The following SMIM45 variants were observed in gnomAD, a reference collection of about 807,000 sequenced individuals.
The protein encoded by SMIM45 is small integral membrane protein 45.
the SMIM45 span, among the ~76,000 whole-genome samples, chr22:41,953,740 GTTTTTT>G: frequency 2.2e-5 from 2 of 89,300 alleles, no homozygotes; most frequent in Non-Finnish European, 2.5e-5. Flanking sequence ...TCTGTGATCT[GTTTTTT>G]TTTTTTTTTT....
At chr22:41,956,462 TACA>T in the SMIM45 span, among the ~76,000 whole-genome samples, 7 of 152,230 alleles carry the variant, frequency 4.6e-5, no homozygotes, top group African/African-American at 1.7e-4. Flanking sequence ...GTTTGTTCAC[TACA>T]CTTTCACCAG....
chr22:41,947,175 C>T, the SMIM45 span: 2 of 1,179,978 alleles, frequency 1.7e-6, no homozygotes, highest in Non-Finnish European at 2.5e-6. Context: ...CACGTGCCTC[C>T]TTATAGGCGG....
the SMIM45 span, among the ~76,000 whole-genome samples, chr22:41,956,325 T>C: frequency 6.6e-6 from 1 of 152,222 alleles, no homozygotes; most frequent in Non-Finnish European, 1.5e-5. Context: ...TCCCATTTTA[T>C]AGATGTAGAA....
chr22:41,947,154 C>G, the SMIM45 span: 1 of 1,438,992 alleles, frequency 6.9e-7, no homozygotes, highest in Non-Finnish European at 9.7e-7. Flanking sequence ...CCCTAGAGCG[C>G]GGCCTGGGGG....
At chr22:41,948,931 G>A in the SMIM45 span, among the ~76,000 whole-genome samples, 22 of 152,272 alleles carry the variant, frequency 1.4e-4, no homozygotes, top group East Asian at 3.5e-3. Flanking sequence ...TGGGCGTGGT[G>A]GTGCATGCCT....
the SMIM45 span, chr22:41,947,020 C>A: frequency 1.9e-6 from 3 of 1,612,834 alleles, no homozygotes; most frequent in South Asian, 1.1e-5. Flanking sequence ...CTGCACCTAC[C>A]AAGATGGTGG....
the SMIM45 span, among the ~76,000 whole-genome samples, chr22:41,950,062 C>T: frequency 6.6e-6 from 1 of 151,724 alleles, no homozygotes; most frequent in Non-Finnish European, 1.5e-5. Context: ...TGGGTGGGGT[C>T]CAGAACCCCC....
chr22:41,953,639 C>T, the SMIM45 span, among the ~76,000 whole-genome samples: 1 of 152,074 alleles, frequency 6.6e-6, no homozygotes, highest in Non-Finnish European at 1.5e-5. Flanking sequence ...AGGTGGGCTC[C>T]TCACGTCACC....
the SMIM45 span, among the ~76,000 whole-genome samples, chr22:41,956,134 C>T: frequency 2.0e-5 from 3 of 151,928 alleles, no homozygotes; most frequent in Non-Finnish European, 4.4e-5. Flanking sequence ...CTCAGCCTCC[C>T]GGGTAACTGG....
the SMIM45 span, among the ~76,000 whole-genome samples, chr22:41,950,647 A>G: frequency 4.6e-5 from 7 of 151,594 alleles, no homozygotes; most frequent in African/African-American, 1.7e-4. Context: ...GCAGTGAGCC[A>G]TGATCACACC....
the SMIM45 span, among the ~76,000 whole-genome samples, chr22:41,954,349 G>A: frequency 6.6e-6 from 1 of 151,794 alleles, no homozygotes; most frequent in African/African-American, 2.4e-5. Context: ...TGGGATTACA[G>A]GTGCCTGCCA....
the SMIM45 span, chr22:41,958,370 G>A: frequency 2.2e-6 from 1 of 456,564 alleles, no homozygotes; most frequent in African/African-American, 2.0e-5. Context: ...TTGGAGGGAT[G>A]TCAGCTTGGG....
the SMIM45 span, among the ~76,000 whole-genome samples, chr22:41,951,367 G>T: frequency 0.23 from 35,636 of 152,176 alleles, 4,566 homozygotes; most frequent in African/African-American, 0.31. Context: ...TTGAATTCCA[G>T]CTCAGTCACT....
the SMIM45 span, among the ~76,000 whole-genome samples, chr22:41,948,140 G>C: frequency 6.6e-6 from 1 of 152,218 alleles, no homozygotes; most frequent in East Asian, 1.9e-4. Context: ...ATAATAACTT[G>C]TTCACTGTCT....
At chr22:41,955,365 G>C in the SMIM45 span, among the ~76,000 whole-genome samples, 15 of 152,006 alleles carry the variant, frequency 9.9e-5, no homozygotes, top group African/African-American at 3.6e-4. Flanking sequence ...TTTTAGTAGA[G>C]ACAGGGTTTC....
the SMIM45 span, chr22:41,947,146 C>T: frequency 6.6e-7 from 1 of 1,516,378 alleles, no homozygotes; most frequent in East Asian, 2.3e-5. Flanking sequence ...AGTCCAGCCC[C>T]TAGAGCGCGG....
chr22:41,958,596 A>G, the SMIM45 span: 1 of 351,972 alleles, frequency 2.8e-6, no homozygotes. Flanking sequence ...GAGGTGGTGG[A>G]AACGGGGTGA....
chr22:41,958,494 GA>G, the SMIM45 span: 1 of 410,196 alleles, frequency 2.4e-6, no homozygotes, highest in Non-Finnish European at 5.0e-6. Flanking sequence ...GAGAGAGAGA[GA>G]GAGAGAGAGA....
chr22:41,956,080 G>T, the SMIM45 span, among the ~76,000 whole-genome samples: 1 of 151,266 alleles, frequency 6.6e-6, no homozygotes, highest in African/African-American at 2.4e-5. Context: ...CGGGATCACA[G>T]CTCACTGCAG....
Sources: allele counts gnomAD v4.1 joint callset (sites outside exome capture counted in the v4.1 genomes callset), GRCh38; gene constraint gnomAD v4.1.1; transcripts MANE v1.5; gene names NCBI Gene and HGNC (gene_info 2026-07-23, HGNC 2026-07-21).